PSAT1: variants seen among roughly 807,000 people sequenced by gnomAD.
The protein encoded by PSAT1 is phosphoserine aminotransferase.
Under a neutral mutation model 40.3 loss-of-function variants are expected in PSAT1, and 41 were observed. That is an observed-to-expected ratio of 1.02 (90% CI 0.79 to 1.32). The LOEUF (loss-of-function observed/expected upper bound fraction) is 1.32. Ranked by LOEUF, PSAT1 falls within the 40% of genes most tolerant of loss-of-function variation. The pLI is 0.00. For synonymous variants in PSAT1, 147 were observed against 170.5 expected, an observed-to-expected ratio of 0.86 and a Z score of 1.07; for missense variants, 406 against 455.8, an observed-to-expected ratio of 0.89 and a Z score of 0.99.
At position 78,308,733 on chromosome 9, in the gene PSAT1, A is replaced by G; in HGVS notation, c.740+150A>G. On this transcript the variant is annotated intron_variant, in intron 6 of 8. Coordinates refer to ENST00000376588, the MANE Select transcript of PSAT1 (RefSeq NM_058179.4). The stretch of plus-strand genomic sequence containing the variant: ...CAATTTGGGAGGCTGAGGTGGATGG[A>G]CCACTTGAGGTCAGGAGCTAGAGAC... 14 of 874,566 alleles carry G rather than the reference A, an allele frequency of 1.6e-5. No individual in the cohort carries two copies. In the South Asian group the frequency reaches 2.4e-4, roughly 15 times the overall value. The allele number at this position is 874,566 out of a possible 1,614,324, so 54.2% of individuals were successfully genotyped here.
intron 8 of PSAT1, among the ~76,000 whole-genome samples, chr9:78,328,513 A>G (rs1587650017): frequency 6.6e-6 from 1 of 151,832 alleles, no homozygotes; most frequent in East Asian, 1.9e-4. Flanking sequence ...CTGGAGGTAG[A>G]GAATCATTAT....
rs1468297276 is a variant in PSAT1, at chr9:78,329,431, T to C, written c.*345T>C. ...TTGCGATTAATTATTTCTGGAGTCA[T>C]GGGAACACACAGCACAGAGGGTAGG... On this transcript the variant is annotated 3_prime_UTR_variant, in exon 9 of 9. Coordinates refer to ENST00000376588, the MANE Select transcript of PSAT1 (RefSeq NM_058179.4). 1 of 353,216 alleles carries C rather than the reference T, an allele frequency of 2.8e-6. No individual in the cohort carries two copies. Among genetic ancestry groups the C allele is most frequent in the East Asian group, 7.4e-5 (1 of 13,486 alleles). The allele number at this position is 353,216 out of a possible 1,614,324, so 21.9% of individuals were successfully genotyped here.
chr9:78,318,445 C>T (rs562294743), intron 7 of PSAT1, among the ~76,000 whole-genome samples: 1 of 152,344 alleles, frequency 6.6e-6, no homozygotes, highest in Non-Finnish European at 1.5e-5. Flanking sequence ...TAACAAAGTA[C>T]TACAGACTTA....
rs542019513 is a variant in PSAT1 at position 78,329,999 on chromosome 9, T to C, written c.*913T>C. The C allele has an allele frequency of 6.6e-6, 1 of 152,350 alleles. No individual in the cohort carries two copies. The highest frequency in any genetic ancestry group is 2.4e-5 in the African/African-American group (1 of 41,578). The allele number at this position is 152,350 out of a possible 1,614,324, so 9.4% of individuals were successfully genotyped here. ...TCTTTGTAATGTATGACTACGAGAGTGATACTTTGCTGAAAAGTCTTTCCC... is the reference window on the plus strand; with the variant it reads ...TCTTTGTAATGTATGACTACGAGAGCGATACTTTGCTGAAAAGTCTTTCCC... On this transcript the variant is annotated 3_prime_UTR_variant, in exon 9 of 9. Coordinates refer to ENST00000376588, the MANE Select transcript of PSAT1 (RefSeq NM_058179.4).
intron 5 of PSAT1, 53 bp downstream of exon 5, chr9:78,306,539 G>C: frequency 6.2e-7 from 1 of 1,605,670 alleles, no homozygotes; most frequent in South Asian, 1.1e-5. Context: ...TGTCTGCAGG[G>C]ACATTTTAAT....
intron 7 of PSAT1, among the ~76,000 whole-genome samples, chr9:78,327,781 T>C (rs1828522818): frequency 6.6e-6 from 1 of 152,198 alleles, no homozygotes; most frequent in African/African-American, 2.4e-5. Flanking sequence ...AATGGAGATA[T>C]TATTATTCCC....
At chr9:78,300,710 C>CTT (rs753207413) in intron 2 of PSAT1, 48 bp downstream of exon 2, 29,455 of 1,091,846 alleles carry the variant, frequency 0.027, 591 homozygotes, top group African/African-American at 0.12. Flanking sequence ...TCAAAGGAAG[C>CTT]TTTTTTTTTT....
intron 7 of PSAT1, among the ~76,000 whole-genome samples, chr9:78,327,574 C>G (rs1011995977): frequency 1.3e-5 from 2 of 152,106 alleles, no homozygotes; most frequent in Non-Finnish European, 2.9e-5. Context: ...CTCAGGGTCA[C>G]ACAGCTTGGG....
intron 3 of PSAT1, among the ~76,000 whole-genome samples, chr9:78,303,836 C>T (rs188971239): frequency 3.3e-5 from 5 of 152,254 alleles, no homozygotes; most frequent in African/African-American, 4.8e-5. Context: ...ATCTGGCTTC[C>T]GTACACCTAT....
At chr9:78,327,736 T>C (rs1358341682) in intron 7 of PSAT1, among the ~76,000 whole-genome samples, 2 of 152,164 alleles carry the variant, frequency 1.3e-5, no homozygotes. Context: ...AAGCTTCATA[T>C]ATGTAGTACC....
At chr9:78,323,286 C>T (rs920953726) in intron 7 of PSAT1, among the ~76,000 whole-genome samples, 1 of 152,134 alleles carries the variant, frequency 6.6e-6, no homozygotes, top group African/African-American at 2.4e-5. Flanking sequence ...AAAACTACAA[C>T]AAGGCCAGGG....
intron 3 of PSAT1, among the ~76,000 whole-genome samples, chr9:78,304,058 A>C (rs771945926): frequency 9.9e-5 from 15 of 152,218 alleles, no homozygotes; most frequent in African/African-American, 1.7e-4. Context: ...CCTGCCCAAC[A>C]TCCACCTGGT....
intron 5 of PSAT1, among the ~76,000 whole-genome samples, 199 bp from the exon 6 acceptor site, chr9:78,308,215 C>A (rs1034314351): frequency 3.3e-5 from 5 of 152,104 alleles, no homozygotes; most frequent in Admixed American, 6.5e-5. Context: ...ACCAGGCTGA[C>A]GGATCATCCT....
chr9:78,317,568 T>C, intron 6 of PSAT1, 108 bp from the exon 7 acceptor site: 2 of 1,294,902 alleles, frequency 1.5e-6, no homozygotes, highest in Non-Finnish European at 2.2e-6. Context: ...CTATTTCAAA[T>C]AATGTGTTTA....
intron 7 of PSAT1, among the ~76,000 whole-genome samples, chr9:78,326,577 A>T (rs964720995): frequency 1.3e-5 from 2 of 152,176 alleles, no homozygotes; most frequent in African/African-American, 4.8e-5. Context: ...TAAAATAAAA[A>T]TTTTTAAAAA....
At chr9:78,305,424 T>C (rs1448738256) in intron 4 of PSAT1, among the ~76,000 whole-genome samples, 1 of 152,218 alleles carries the variant, frequency 6.6e-6, no homozygotes, top group Non-Finnish European at 1.5e-5. Context: ...CTATGCATAC[T>C]CTTCTTGCAG....
chr9:78,318,629 C>T (rs1327381440), intron 7 of PSAT1, among the ~76,000 whole-genome samples: 2 of 152,248 alleles, frequency 1.3e-5, no homozygotes, highest in Non-Finnish European at 2.9e-5. Flanking sequence ...CCACATCTGT[C>T]TTCACATGGC....
chr9:78,309,500 T>C (rs1194290552), intron 6 of PSAT1, among the ~76,000 whole-genome samples: 2 of 152,162 alleles, frequency 1.3e-5, no homozygotes, highest in Non-Finnish European at 2.9e-5. Flanking sequence ...GTAGCTGGGA[T>C]TACAGGTGCG....
intron 2 of PSAT1, among the ~76,000 whole-genome samples, chr9:78,301,016 G>A (rs1828100280): frequency 6.6e-6 from 1 of 152,104 alleles, no homozygotes; most frequent in Admixed American, 6.5e-5. Flanking sequence ...GGGATTACAG[G>A]CTTGAGCCAC....
Sources: allele counts gnomAD v4.1 joint callset (sites outside exome capture counted in the v4.1 genomes callset), GRCh38; gene constraint gnomAD v4.1.1; transcripts MANE v1.5; gene names NCBI Gene and HGNC (gene_info 2026-07-23, HGNC 2026-07-21).